GPR83: variants seen among roughly 807,000 people sequenced by gnomAD.
GPR83 encodes G-protein coupled receptor 72.
A neutral mutation model predicts 28.0 loss-of-function variants in GPR83; 23 were observed. The observed-to-expected ratio is 0.82, with a 90% CI of 0.59 to 1.16. The LOEUF is 1.16. Ranked by LOEUF, GPR83 falls within the 50% of genes most tolerant of loss-of-function variation. The pLI, the probability that GPR83 is intolerant of heterozygous loss-of-function variation, is 0.00. For missense variants in GPR83, 610 were observed against 536.6 expected, an observed-to-expected ratio of 1.14 and a Z score of -1.35; for synonymous variants, 234 against 215.4, an observed-to-expected ratio of 1.09 and a Z score of -0.76.
At chr11:94,384,740 G>T (rs1468833725) in intron 3 of GPR83, among the ~76,000 whole-genome samples, 1 of 152,216 alleles carries the variant, frequency 6.6e-6, no homozygotes, top group Admixed American at 6.5e-5. Context: ...GCTCAAGGAG[G>T]CCTGCCTCCC....
At chr11:94,389,146 T>C (rs1258321683) in intron 3 of GPR83, among the ~76,000 whole-genome samples, 1 of 152,204 alleles carries the variant, frequency 6.6e-6, no homozygotes, top group Non-Finnish European at 1.5e-5. Context: ...ACTGGATCCC[T>C]TCCTTACACC....
chr11:94,380,205 G>C lies in GPR83; in HGVS notation c.1216C>G (p.Leu406Val). 1 of 1,521,372 alleles carries C rather than the reference G, an allele frequency of 6.6e-7. No individual in the cohort carries two copies. The highest frequency in any genetic ancestry group is 8.8e-7 in the Non-Finnish European group (1 of 1,136,594). The allele number at this position is 1,521,372 out of a possible 1,614,324, so 94.2% of individuals were successfully genotyped here. A position where few individuals can be genotyped will look rare whatever the true frequency, so the allele number is the denominator to read the frequency against. The change falls in exon 4 of 4, where the codon CTC becomes GTC. Residue 406 changes from leucine (L) to valine (V), a missense_variant. Transcript: ENST00000243673. ...LANNLLPTSQ[L>V]QSGKTDLSSV... is the part of the protein sequence containing the mutation. ...GACAGGTCTGTCTTCCCAGACTGGA[G>C]TTGGGAGGTGGGCAGGAGGTTATTG...
chr11:94,386,122 A>G (rs899917366), intron 3 of GPR83, among the ~76,000 whole-genome samples: 1 of 152,208 alleles, frequency 6.6e-6, no homozygotes, highest in Non-Finnish European at 1.5e-5. Context: ...AAGGAGAAAT[A>G]AATTACGTTA....
intron 3 of GPR83, among the ~76,000 whole-genome samples, chr11:94,383,129 C>T (rs1040154203): frequency 1.8e-4 from 27 of 148,480 alleles, no homozygotes; most frequent in African/African-American, 5.5e-4. Flanking sequence ...CCAGCCTGGG[C>T]GACAGAGTGA....
Position 94,380,003 on chromosome 11 carries a change from G to T in GPR83, c.*146C>A. 1.8e-6 allele frequency: 1 copy of T among 568,944 alleles called. No homozygotes were observed. Among genetic ancestry groups the T allele is most frequent in the South Asian group, 5.1e-5 (1 of 19,598 alleles). 35.2% of individuals were successfully genotyped at this position (568,944 alleles called of 1,614,324 possible). ...TTTTCACATCACATGGGGCTAGGAG[G>T]CTGGACAGTTTCCTAGGAATTCAAG... On this transcript the variant is annotated 3_prime_UTR_variant, in exon 4 of 4. Transcript: ENST00000243673.
chr11:94,381,390 A>C (rs1025918552), intron 3 of GPR83, among the ~76,000 whole-genome samples: 1 of 151,838 alleles, frequency 6.6e-6, no homozygotes, highest in African/African-American at 2.4e-5. Context: ...AGGGGGGAAA[A>C]AAAGTCCTCC....
At position 94,378,558 on chromosome 11, in the gene GPR83, C is replaced by A. The variant is rs1944644461; in HGVS notation, c.*1591G>T. The A allele has an allele frequency of 6.6e-6, 1 of 152,410 alleles. No homozygotes were observed. The highest frequency in any genetic ancestry group is 6.5e-5 in the Admixed American group (1 of 15,272). The allele number at this position is 152,410 out of a possible 1,614,324, so 9.4% of individuals were successfully genotyped here. ...AATGAGATTTCTCTGGCAAGTTAGA[C>A]CCTTAAGAATTGAGATCTCTTAAGG... is the stretch of plus-strand genomic sequence containing the variant. On this transcript the variant is annotated 3_prime_UTR_variant, in exon 4 of 4. Coordinates refer to ENST00000243673, the MANE Select transcript of GPR83 (RefSeq NM_016540.4).
chr11:94,399,968 CT>C (rs1452238462), intron 1 of GPR83, among the ~76,000 whole-genome samples: 1 of 152,212 alleles, frequency 6.6e-6, no homozygotes, highest in Non-Finnish European at 1.5e-5. Flanking sequence ...TGCCCGATTT[CT>C]GGGGCCCAAG....
intron 1 of GPR83, among the ~76,000 whole-genome samples, chr11:94,399,514 G>A (rs1181932565): frequency 6.6e-6 from 1 of 152,186 alleles, no homozygotes; most frequent in Non-Finnish European, 1.5e-5. Context: ...ACCTCTCTGT[G>A]CCCTAGTTTT....
intron 3 of GPR83, among the ~76,000 whole-genome samples, chr11:94,384,284 C>A (rs570432162): frequency 6.6e-6 from 1 of 152,246 alleles, no homozygotes; most frequent in South Asian, 2.1e-4. Flanking sequence ...AATTCAGCAC[C>A]CTTTCATGCT....
At chr11:94,382,685 A>C (rs932846645) in intron 3 of GPR83, among the ~76,000 whole-genome samples, 1 of 152,192 alleles carries the variant, frequency 6.6e-6, no homozygotes, top group South Asian at 2.1e-4. Context: ...AAATGGACCT[A>C]ATAGACATCT....
intron 3 of GPR83, among the ~76,000 whole-genome samples, chr11:94,386,630 T>C (rs1466316099): frequency 2.0e-5 from 3 of 152,182 alleles, no homozygotes; most frequent in African/African-American, 7.2e-5. Flanking sequence ...GAGCTAACTA[T>C]CCTAAATATA....
intron 3 of GPR83, among the ~76,000 whole-genome samples, chr11:94,383,032 G>A (rs944404362): frequency 6.7e-6 from 1 of 150,032 alleles, no homozygotes; most frequent in Non-Finnish European, 1.5e-5. Context: ...GCCAGGCTTG[G>A]TAGCGGGCAC....
At chr11:94,381,630 T>C (rs1944690838) in intron 3 of GPR83, among the ~76,000 whole-genome samples, 1 of 151,698 alleles carries the variant, frequency 6.6e-6, no homozygotes, top group South Asian at 2.1e-4. Context: ...AGACACTCCC[T>C]GGATCCCTGC....
chr11:94,401,242 G>A lies in GPR83; in HGVS notation c.6C>T (p.Val2=). 6.9e-6 allele frequency: 11 copies of A among 1,599,078 alleles called. No individual in the cohort carries two copies. The highest frequency in any genetic ancestry group is 8.5e-6 in the Non-Finnish European group (10 of 1,172,842). Reference sequence around the variant, plus strand: ...GGAGACAGAGCAGCAAGAGGTGAGGGACCATTTTGCAGGAGCCACCCCTCC... The same window carrying A: ...GGAGACAGAGCAGCAAGAGGTGAGGAACCATTTTGCAGGAGCCACCCCTCC... The part of the protein sequence containing the change: M[V]PHLLLLCLLP... Residue 2 remains valine (V), a synonymous_variant, in exon 1 of 4, where the codon GTC becomes GTT. Transcript: ENST00000243673.
rs768999557 is a variant in GPR83 at position 94,380,262 on chromosome 11, C to T, written c.1159G>A (p.Glu387Lys). 12 of 1,548,032 alleles carry T rather than the reference C, an allele frequency of 7.8e-6. No homozygotes were observed. In the South Asian group the frequency reaches 1.5e-4, roughly 20 times the overall value. Residue 387 changes from glutamate (E) to lysine (K), a missense_variant, in exon 4 of 4, where the codon GAG (glutamate) becomes AAG (lysine). Glu to Lys is a moderately conservative substitution (Grantham distance 56). Transcript: ENST00000243673. ...GGAGCCCTCTGGCCATCATTCTTCTCTGTCCAGGCCACCCTGAAGGAAGGA... is the reference window on the plus strand; with the variant it reads ...GGAGCCCTCTGGCCATCATTCTTCTTTGTCCAGGCCACCCTGAAGGAAGGA... ...PVPSFRVAWT[E>K]KNDGQRAPLA...
At chr11:94,382,216 G>A (rs536669850) in intron 3 of GPR83, among the ~76,000 whole-genome samples, 1 of 152,150 alleles carries the variant, frequency 6.6e-6, no homozygotes, top group East Asian at 1.9e-4. Context: ...GCTGGGCATG[G>A]TGGCACATGC....
chr11:94,383,550 GT>G (rs1177595963), intron 3 of GPR83, among the ~76,000 whole-genome samples: 1 of 152,126 alleles, frequency 6.6e-6, no homozygotes, highest in Non-Finnish European at 1.5e-5. Context: ...CCAGGAGCTG[GT>G]TTTTTGAAAA....
chr11:94,397,477 A>G (rs761358107), intron 1 of GPR83, among the ~76,000 whole-genome samples: 1 of 152,222 alleles, frequency 6.6e-6, no homozygotes, highest in Non-Finnish European at 1.5e-5. Flanking sequence ...GCACAGAGGC[A>G]TAGAAATAGG....
Sources: gnomAD v4.1 joint callset for allele counts (sites outside exome capture counted in the v4.1 genomes callset) on GRCh38, gnomAD v4.1.1 for gene constraint, MANE v1.5 for transcripts, NCBI Gene and HGNC (gene_info 2026-07-23, HGNC 2026-07-21) for gene names.